Variants in NEBL observed in about 807,000 individuals in gnomAD.
The protein encoded by NEBL is LIM and SH3 protein 2.
Under a neutral mutation model 140.2 loss-of-function variants are expected in NEBL, and 122 were observed. That is an observed-to-expected ratio of 0.87 (90% CI 0.75 to 1.01). The LOEUF (loss-of-function observed/expected upper bound fraction) is 1.01. Ranked by LOEUF, NEBL falls within the 50% of genes least tolerant of loss-of-function variation. The pLI is 0.00. For synonymous variants in NEBL, 436 were observed against 398.9 expected (o/e 1.09, Z -1.11); for missense variants, 1,365 against 1,231.3 (o/e 1.11, Z -1.62).
intron 2 of NEBL, among the ~76,000 whole-genome samples, chr10:21,115,711 G>C (rs1490135016): frequency 2.6e-5 from 4 of 151,888 alleles, no homozygotes; most frequent in African/African-American, 9.7e-5. Flanking sequence ...TCTAACTGGA[G>C]CTTATTGAAA....
chr10:20,907,375 A>G (rs183786824), intron 4 of NEBL, among the ~76,000 whole-genome samples: 1 of 152,144 alleles, frequency 6.6e-6, no homozygotes, highest in African/African-American at 2.4e-5. Flanking sequence ...ATCTTGTTTC[A>G]TTAATGAAAT....
chr10:21,202,230 G>T (rs1226645618), intron 3 of NEBL, among the ~76,000 whole-genome samples: 2 of 152,052 alleles, frequency 1.3e-5, no homozygotes, highest in East Asian at 1.9e-4. Flanking sequence ...TAGATGATAG[G>T]TAATTTTAAA....
chr10:21,179,496 G>T (rs1298296108), upstream of NEBL, among the ~76,000 whole-genome samples: 1 of 143,892 alleles, frequency 6.9e-6, no homozygotes, highest in Non-Finnish European at 1.5e-5. Flanking sequence ...AGCCCCTCAC[G>T]CTCCATCATC....
intron 3 of NEBL, among the ~76,000 whole-genome samples, chr10:21,012,111 A>C (rs1288465674): frequency 6.6e-6 from 1 of 152,158 alleles, no homozygotes; most frequent in Non-Finnish European, 1.5e-5. Flanking sequence ...GCCTGCAGTC[A>C]GCAGAGAGAG....
At chr10:21,214,929 CCT>C (rs1841969125) in intron 3 of NEBL, among the ~76,000 whole-genome samples, 1 of 152,122 alleles carries the variant, frequency 6.6e-6, no homozygotes, top group Non-Finnish European at 1.5e-5. Flanking sequence ...GCCCCCATCT[CCT>C]GGAATCTAGC....
intron 1 of NEBL, among the ~76,000 whole-genome samples, chr10:21,263,653 C>T (rs938483706): frequency 2.6e-5 from 4 of 152,108 alleles, no homozygotes; most frequent in Non-Finnish European, 5.9e-5. Context: ...GCTTGGCCTA[C>T]GTGCAGAGAT....
At chr10:21,181,318 C>T (rs1007738926) in intron 3 of NEBL, among the ~76,000 whole-genome samples, 7 of 149,674 alleles carry the variant, frequency 4.7e-5, no homozygotes, top group East Asian at 2.0e-4. Context: ...GCACGTATCC[C>T]GGAGCCTAAA....
At chr10:21,230,163 A>G (rs1160544160) in intron 3 of NEBL, among the ~76,000 whole-genome samples, 1 of 152,040 alleles carries the variant, frequency 6.6e-6, no homozygotes, top group Non-Finnish European at 1.5e-5. Context: ...TGAGATTCTC[A>G]CCCTAGTTTT....
chr10:21,004,279 C>A (rs1005768814), intron 3 of NEBL, among the ~76,000 whole-genome samples: 1 of 151,576 alleles, frequency 6.6e-6, no homozygotes, highest in African/African-American at 2.4e-5. Context: ...ATAAATGCAT[C>A]ATTAATAAAA....
At chr10:21,057,887 A>G (rs1835102659) in intron 2 of NEBL, among the ~76,000 whole-genome samples, 1 of 152,136 alleles carries the variant, frequency 6.6e-6, no homozygotes, top group Non-Finnish European at 1.5e-5. Context: ...CATGAAAAGG[A>G]TATTTAAAGC....
intron 2 of NEBL, among the ~76,000 whole-genome samples, chr10:21,080,867 GT>G (rs1836338781): frequency 6.6e-6 from 1 of 151,918 alleles, no homozygotes; most frequent in African/African-American, 2.4e-5. Context: ...TTTGTTTTTT[GT>G]TTTTTGAGAT....
At chr10:20,814,324 G>A (rs537256339) in intron 22 of NEBL, among the ~76,000 whole-genome samples, 94 of 152,026 alleles carry the variant, frequency 6.2e-4, no homozygotes, top group Middle Eastern at 3.4e-3. Context: ...GCGCAAGCCC[G>A]AGGACTCGTA....
chr10:20,897,084 G>A (rs201830841), intron 1 of NEBL, 41 bp downstream of exon 1: 2 of 1,597,402 alleles, frequency 1.3e-6, no homozygotes, highest in Non-Finnish European at 1.7e-6. Context: ...TGTCAATTTA[G>A]AGGAACAAAC....
At chr10:21,123,136 C>A (rs761307245) in intron 2 of NEBL, among the ~76,000 whole-genome samples, 49 of 152,240 alleles carry the variant, frequency 3.2e-4, no homozygotes, top group Non-Finnish European at 6.0e-4. Flanking sequence ...ATATACTATC[C>A]CTTTGAGGTT....
chr10:21,095,262 A>T (rs1461438245), intron 2 of NEBL, among the ~76,000 whole-genome samples: 6 of 152,080 alleles, frequency 3.9e-5, no homozygotes, highest in Admixed American at 1.3e-4. Context: ...TTATCTAGGG[A>T]GTGGTAAAAG....
At chr10:21,203,436 C>T (rs1442048179) in intron 3 of NEBL, among the ~76,000 whole-genome samples, 6 of 152,162 alleles carry the variant, frequency 3.9e-5, no homozygotes, top group Admixed American at 1.3e-4. Flanking sequence ...ACTGAAATCC[C>T]GTGGGTGTTT....
intron 1 of NEBL, among the ~76,000 whole-genome samples, chr10:21,286,618 GT>G (rs1843058204): frequency 6.6e-6 from 1 of 152,140 alleles, no homozygotes; most frequent in Non-Finnish European, 1.5e-5. Flanking sequence ...GGATCACAAG[GT>G]CAGGAGATCG....
chr10:21,038,741 T>G (rs1463403818), intron 2 of NEBL, among the ~76,000 whole-genome samples: 2 of 152,204 alleles, frequency 1.3e-5, no homozygotes, highest in Admixed American at 6.5e-5. Context: ...ATGGGATTGC[T>G]GGGTCAAATG....
intron 2 of NEBL, among the ~76,000 whole-genome samples, chr10:21,147,388 C>G (rs1269000674): frequency 1.3e-5 from 2 of 150,596 alleles, no homozygotes; most frequent in Admixed American, 6.6e-5. Context: ...GACCCTGTTT[C>G]TCCTCCGGTT....
Sources: allele counts gnomAD v4.1 joint callset (sites outside exome capture counted in the v4.1 genomes callset), GRCh38; gene constraint gnomAD v4.1.1; transcripts MANE v1.5; gene names NCBI Gene and HGNC (gene_info 2026-07-23, HGNC 2026-07-21).